The following ADCY5 variants were observed in gnomAD, a reference collection of about 807,000 sequenced individuals.
The protein encoded by ADCY5 is adenylate cyclase type 5.
A neutral mutation model predicts 119.7 loss-of-function variants in ADCY5; 30 were observed. That is an observed-to-expected ratio of 0.25 (90% CI 0.19 to 0.34). ADCY5 has a LOEUF of 0.34. Among genes scored for constraint, ADCY5 ranks in the 10% least tolerant of loss-of-function variants. The pLI is 1.00. For synonymous variants in ADCY5, 753 were observed against 762.2 expected (o/e 0.99, Z 0.20); for missense variants, 1,324 against 1,775.2 (o/e 0.75, Z 4.57).
At chr3:123,304,010 C>G in intron 13 of ADCY5, 57 bp downstream of exon 13, 1 of 1,229,674 alleles carries the variant, frequency 8.1e-7, no homozygotes, top group Non-Finnish European at 1.2e-6. Context: ...TACATGGCTC[C>G]ACTGGGTTTG....
At chr3:123,429,749 C>T (rs1189311674) in intron 1 of ADCY5, among the ~76,000 whole-genome samples, 1 of 152,194 alleles carries the variant, frequency 6.6e-6, no homozygotes, top group Non-Finnish European at 1.5e-5. Context: ...TATGCACCAT[C>T]AGGGTGGCAT....
At chr3:123,434,395 C>G (rs1382984417) in intron 1 of ADCY5, among the ~76,000 whole-genome samples, 1 of 152,152 alleles carries the variant, frequency 6.6e-6, no homozygotes, top group Non-Finnish European at 1.5e-5. Context: ...TCTATCACCC[C>G]CAGTGTATAC....
Position 123,295,992 on chromosome 3 carries a change from C to A in ADCY5, c.3063+92G>T, listed in dbSNP as rs879938595. The stretch of plus-strand genomic sequence containing the variant: ...CAGCTTGACAGTGTAAGACGAAGGC[C>A]CGGCTTGGCCTGGCCCAGCAGACGA... On this transcript the variant is annotated intron_variant, in intron 17 of 20. Transcript: ENST00000462833. The A allele has an allele frequency of 1.9e-6, 3 of 1,546,708 alleles. No individual in the cohort carries two copies. The African/African-American group carries it at 4.1e-5, about 21-fold the overall frequency.
At chr3:123,440,231 G>A (rs1485730612) in intron 1 of ADCY5, among the ~76,000 whole-genome samples, 1 of 152,202 alleles carries the variant, frequency 6.6e-6, no homozygotes, top group Non-Finnish European at 1.5e-5. Flanking sequence ...AGACAAGGTG[G>A]GACCTCAGTG....
In ADCY5 at chr3:123,284,335, A is replaced by AAACTC. The variant is rs560723191; in HGVS notation, c.*268_*272dup. ...CACCTGTGCAGCAGCACCTGTTAGA[A>AAACTC]AACTCAAGCTTCAGACCCAGTCTAG... On this transcript the variant is annotated 3_prime_UTR_variant, in exon 21 of 21. Coordinates refer to ENST00000462833, the MANE Select transcript of ADCY5 (RefSeq NM_183357.3). The AAACTC allele has an allele frequency of 1.8e-4, 78 of 433,910 alleles. 1 individual carries two copies. The South Asian group carries it at 2.2e-3, about 12-fold the overall frequency. The allele number at this position is 433,910 out of a possible 1,614,324, so 26.9% of individuals were successfully genotyped here.
intron 1 of ADCY5, among the ~76,000 whole-genome samples, chr3:123,369,958 G>T (rs1477165494): frequency 6.6e-6 from 1 of 152,202 alleles, no homozygotes; most frequent in African/African-American, 2.4e-5. Context: ...GGTAGGAAGG[G>T]TGACCAGAAT....
intron 2 of ADCY5, among the ~76,000 whole-genome samples, chr3:123,350,461 G>A (rs910634253): frequency 1.1e-4 from 16 of 152,376 alleles, no homozygotes; most frequent in Admixed American, 8.5e-4. Context: ...GACAGTGTGG[G>A]ATGACTGGGA....
chr3:123,444,057 A>G (rs1307629171), intron 1 of ADCY5, among the ~76,000 whole-genome samples: 1 of 152,236 alleles, frequency 6.6e-6, no homozygotes, highest in East Asian at 1.9e-4. Flanking sequence ...GAGTGCGTGC[A>G]GAAGCTTTAT....
chr3:123,374,384 G>A (rs891987557), intron 1 of ADCY5, among the ~76,000 whole-genome samples: 1 of 152,170 alleles, frequency 6.6e-6, no homozygotes, highest in African/African-American at 2.4e-5. Context: ...ACTACAAGCT[G>A]GTAATGGGGG....
chr3:123,340,364 G>A (rs1559820138), intron 3 of ADCY5, among the ~76,000 whole-genome samples: 2 of 152,028 alleles, frequency 1.3e-5, no homozygotes, highest in African/African-American at 4.8e-5. Context: ...CTTCTTTTGG[G>A]GCCTGATTCT....
intron 18 of ADCY5, among the ~76,000 whole-genome samples, chr3:123,290,468 C>T (rs561784996): frequency 3.9e-5 from 6 of 152,224 alleles, no homozygotes; most frequent in Non-Finnish European, 7.3e-5. Context: ...TGCCCAGGCC[C>T]GGCGTGCCCG....
intron 8 of ADCY5, among the ~76,000 whole-genome samples, chr3:123,322,009 C>T (rs1027094879): frequency 6.6e-6 from 1 of 152,230 alleles, no homozygotes; most frequent in Non-Finnish European, 1.5e-5. Flanking sequence ...AATGGCCAGG[C>T]CCTCCCTCCA....
chr3:123,425,867 T>G (rs1346059258), intron 1 of ADCY5, among the ~76,000 whole-genome samples: 3 of 152,206 alleles, frequency 2.0e-5, no homozygotes, highest in African/African-American at 7.2e-5. Flanking sequence ...GTAAAACCCA[T>G]GACCCAGGAC....
At chr3:123,399,709 CAGTT>C (rs753306741) in intron 1 of ADCY5, among the ~76,000 whole-genome samples, 2 of 152,110 alleles carry the variant, frequency 1.3e-5, no homozygotes, top group Non-Finnish European at 2.9e-5. Context: ...CTGGTATTAC[CAGTT>C]AGTTAATTGA....
At chr3:123,322,198 C>T (rs978838509) in intron 8 of ADCY5, among the ~76,000 whole-genome samples, 2 of 152,180 alleles carry the variant, frequency 1.3e-5, no homozygotes, top group East Asian at 1.9e-4. Context: ...AGACCCCCTG[C>T]GAGGGGTTGG....
rs112112936 is a variant in ADCY5, at chr3:123,403,230, A to T, written c.1134+44182T>A. ...CCCCATCTCTACAAAAGATACAAAA[A>T]CTAGCCAAGTGTAGTGGCACACATC... On this transcript the variant is annotated intron_variant, in intron 1 of 20. Transcript: ENST00000462833. 4.1e-3 allele frequency among the ~76,000 whole-genome samples: 622 copies of T among 152,142 alleles called. 4 individuals are homozygous for T. The highest frequency in any genetic ancestry group is 0.014 in the African/African-American group (601 of 41,520).
chr3:123,398,402 C>T (rs1253523257), intron 1 of ADCY5, among the ~76,000 whole-genome samples: 1 of 152,132 alleles, frequency 6.6e-6, no homozygotes, highest in Non-Finnish European at 1.5e-5. Context: ...AACACAGGAT[C>T]CTGAACGGGG....
intron 12 of ADCY5, among the ~76,000 whole-genome samples, chr3:123,311,910 T>A (rs1222650552): frequency 6.7e-6 from 1 of 150,064 alleles, no homozygotes; most frequent in Non-Finnish European, 1.5e-5. Context: ...CTGGACTAGA[T>A]AAAAGAACTG....
intron 14 of ADCY5, among the ~76,000 whole-genome samples, chr3:123,300,907 AC>A (rs1939809150): frequency 6.6e-6 from 1 of 152,164 alleles, no homozygotes; most frequent in African/African-American, 2.4e-5. Context: ...TGGAAATATG[AC>A]CATTTCATGA....
Sources: allele counts gnomAD v4.1 joint callset (sites outside exome capture counted in the v4.1 genomes callset), GRCh38; gene constraint gnomAD v4.1.1; transcripts MANE v1.5; gene names NCBI Gene and HGNC (gene_info 2026-07-23, HGNC 2026-07-21).